Variants in SNX15 observed in about 807,000 individuals in gnomAD.
SNX15 encodes sorting nexin 15, also known as sorting nexin-15.
A neutral mutation model predicts 35.2 loss-of-function variants in SNX15; 29 were observed. That is an observed-to-expected ratio of 0.82 (90% CI 0.61 to 1.12). The LOEUF (loss-of-function observed/expected upper bound fraction) is 1.12, where lower values mean the gene tolerates loss of function less well. Ranked by LOEUF, SNX15 falls within the 50% of genes most tolerant of loss-of-function variation. The pLI, the probability that SNX15 is intolerant of heterozygous loss-of-function variation, is 0.00. For missense variants in SNX15, 400 were observed against 451.5 expected (o/e 0.89, Z 1.03); for synonymous variants, 189 against 188.2 (o/e 1.00, Z -0.03).
intron 1 of SNX15, among the ~76,000 whole-genome samples, chr11:65,030,091 G>A (rs112978052): frequency 2.0e-5 from 3 of 151,938 alleles, no homozygotes; most frequent in Admixed American, 1.3e-4. Flanking sequence ...GCGTGGTGGC[G>A]CACGCCTGTA....
In SNX15 at chr11:65,038,705, T is replaced by G. The variant is rs1405397324; in HGVS notation, c.798T>G (p.Pro266=). The stretch of plus-strand genomic sequence containing the variant: ...AGGATGGGGAAGGAGGGCCCACCCC[T>G]GCCTACCTAAGCCAGGCCACAGAGC... The part of the protein sequence containing the change: ...EEEDGEGGPT[P]AYLSQATELI... Residue 266 remains proline (P), a synonymous_variant, in exon 7 of 8, where the codon CCT becomes CCG. Coordinates refer to ENST00000377244, the MANE Select transcript of SNX15 (RefSeq NM_013306.5). The G allele has an allele frequency of 1.9e-6, 3 of 1,607,898 alleles. No individual in the cohort carries two copies.
Position 65,034,821 on chromosome 11 carries a change from CCT to C in SNX15, c.257-25_257-24del, listed in dbSNP as rs754889115. ...CCCCTGTGGGTCACCGCCACTCTCC[CCT>C]GTTCCTTGTCCTGGGGGCCGTAGGC... is the stretch of plus-strand genomic sequence containing the variant. On this transcript the variant is annotated intron_variant, in intron 3 of 7. Coordinates refer to ENST00000377244, the MANE Select transcript of SNX15 (RefSeq NM_013306.5). 27 of 1,591,790 alleles carry C rather than the reference CCT, an allele frequency of 1.7e-5. No homozygotes were observed. The South Asian group carries it at 2.9e-4, about 17-fold the overall frequency.
At chr11:65,028,654 G>C (rs1039622949) in intron 1 of SNX15, among the ~76,000 whole-genome samples, 11 of 128,562 alleles carry the variant, frequency 8.6e-5, no homozygotes, top group Non-Finnish European at 1.6e-4. Flanking sequence ...TGAGACCCCG[G>C]ATCAATATTA....
intron 1 of SNX15, among the ~76,000 whole-genome samples, 194 bp from the exon 2 acceptor site, chr11:65,031,974 A>G (rs915870585): frequency 1.3e-5 from 2 of 152,168 alleles, no homozygotes; most frequent in Non-Finnish European, 2.9e-5. Context: ...AGATGGAGAA[A>G]CTGAGGTACA....
Position 65,038,673 on chromosome 11 carries a change from G to C in SNX15, c.766G>C (p.Glu256Gln). The C allele has an allele frequency of 6.2e-7, 1 of 1,612,536 alleles. No individual in the cohort carries two copies. The change falls in exon 7 of 8, where the codon GAG becomes CAG. Residue 256 changes from glutamate (E) to glutamine (Q), a missense_variant. Coordinates refer to ENST00000377244, the MANE Select transcript of SNX15 (RefSeq NM_013306.5). ...ACCCTGGGAGCCAGGAGGGCAGGAG[G>C]AGGAAGAGGATGGGGAAGGAGGGCC... ...QEPWEPGGQE[E>Q]EEDGEGGPTP...
At position 65,035,712 on chromosome 11, in the gene SNX15, G is replaced by A. The variant is rs772792392; in HGVS notation, c.664+49G>A. On this transcript the variant is annotated intron_variant, in intron 6 of 7. Coordinates refer to ENST00000377244, the MANE Select transcript of SNX15 (RefSeq NM_013306.5). ...AGGAGCCAGGGCAGGACGTCCTTGGGACAGGGAGGAGGGCAGAGCCCCACT... is the reference window on the plus strand; with the variant it reads ...AGGAGCCAGGGCAGGACGTCCTTGGAACAGGGAGGAGGGCAGAGCCCCACT... The A allele has an allele frequency of 4.5e-6, 7 of 1,555,736 alleles. No homozygotes were observed. The Admixed American group carries it at 9.7e-5, about 21-fold the overall frequency.
At chr11:65,036,399 T>G (rs1946501828) in intron 6 of SNX15, 1 of 152,318 alleles carries the variant, frequency 6.6e-6, no homozygotes, top group African/African-American at 2.4e-5. Flanking sequence ...CTTTTTCTTT[T>G]TTTGAGACAG....
rs1946452453 is a variant in SNX15 at position 65,032,531 on chromosome 11, T to TC, written c.241dup (p.Arg81ProfsTer9). On this transcript the variant is annotated frameshift_variant, in exon 3 of 8. Transcript: ENST00000377244. LOFTEE classifies it high-confidence loss of function. ...CGCCGCCTCGAGGAGTTCCCTGCTT[T>TC]CCCCCGGGCCCAGGTGTTTGGTGAG... The TC allele has an allele frequency of 1.9e-6, 3 of 1,613,966 alleles. 1 individual carries two copies. Among genetic ancestry groups the TC allele is most frequent in the South Asian group, 2.2e-5 (2 of 91,066 alleles).
At position 65,032,424 on chromosome 11, in the gene SNX15, C is replaced by T. The variant is rs748023241; in HGVS notation, c.136-7C>T. The T allele has an allele frequency of 1.9e-6, 3 of 1,614,016 alleles. No individual in the cohort carries two copies. The highest frequency in any genetic ancestry group is 2.2e-5 in the East Asian group (1 of 44,904). On this transcript the variant is annotated splice_region_variant and splice_polypyrimidine_tract_variant and intron_variant, in intron 2 of 7. Transcript: ENST00000377244. Reference sequence around the variant, plus strand: ...CTGGTTCTGGGCAAGTCTCATGTACCTCATAGGTGGTGGTCTGGAAGCGGT... The same window carrying T: ...CTGGTTCTGGGCAAGTCTCATGTACTTCATAGGTGGTGGTCTGGAAGCGGT...
chr11:65,038,514 C>T, intron 6 of SNX15, 58 bp from the exon 7 acceptor site: 3 of 1,497,756 alleles, frequency 2.0e-6, no homozygotes, highest in Non-Finnish European at 2.7e-6. Flanking sequence ...TGGGGTTGGG[C>T]AGAGGGCCTG....
At chr11:65,032,402 G>A (rs201946581) in intron 2 of SNX15, 29 bp from the exon 3 acceptor site, 27 of 1,613,926 alleles carry the variant, frequency 1.7e-5, no homozygotes, top group Non-Finnish European at 2.3e-5. Context: ...ACCATTGCTG[G>A]TTCTGGGCAA....
intron 3 of SNX15, among the ~76,000 whole-genome samples, chr11:65,034,045 G>A (rs1946471793): frequency 6.6e-6 from 1 of 152,150 alleles, no homozygotes; most frequent in Non-Finnish European, 1.5e-5. Flanking sequence ...GATTGCTGCT[G>A]TCAGGTTATG....
At chr11:65,028,715 A>C (rs1946403432) in intron 1 of SNX15, among the ~76,000 whole-genome samples, 1 of 151,532 alleles carries the variant, frequency 6.6e-6, no homozygotes, top group Non-Finnish European at 1.5e-5. Flanking sequence ...AAAGCAAATA[A>C]ATAGATTGTC....
rs7933704 is a variant in SNX15 at position 65,032,340 on chromosome 11, C to G, written c.136-91C>G. On this transcript the variant is annotated intron_variant, in intron 2 of 7. Coordinates refer to ENST00000377244, the MANE Select transcript of SNX15 (RefSeq NM_013306.5). ...GGCGAGGGGCTGCTGCAGCTGCTTC[C>G]TGATCCTCACGCCCCCTGGGGGCAG... The G allele has an allele frequency of 3.3e-3, 5,264 of 1,603,542 alleles. 159 individuals carry two copies. In the African/African-American group the frequency reaches 0.06, roughly 18 times the overall value.
At chr11:65,027,883 C>T (rs958125771) in intron 1 of SNX15, among the ~76,000 whole-genome samples, 1 of 152,172 alleles carries the variant, frequency 6.6e-6, no homozygotes, top group African/African-American at 2.4e-5. Context: ...CGTGTATGCC[C>T]ACGCCCGGAG....
intron 1 of SNX15, among the ~76,000 whole-genome samples, chr11:65,027,907 C>T (rs1254422283): frequency 6.6e-6 from 1 of 152,200 alleles, no homozygotes; most frequent in Non-Finnish European, 1.5e-5. Flanking sequence ...AGTGTCTGGG[C>T]ATCAGGCTGT....
intron 1 of SNX15, among the ~76,000 whole-genome samples, chr11:65,029,394 G>A (rs1180978978): frequency 6.6e-6 from 1 of 151,618 alleles, no homozygotes; most frequent in East Asian, 1.9e-4. Context: ...TTGACCTCAT[G>A]ATCCACCCGC....
intron 3 of SNX15, 21 bp downstream of exon 3, chr11:65,032,572 C>T (rs1422386114): frequency 6.2e-7 from 1 of 1,613,788 alleles, no homozygotes; most frequent in Non-Finnish European, 8.5e-7. Flanking sequence ...GATTGGGGCA[C>T]TCGGGCCAAA....
chr11:65,038,049 G>C (rs114623113), intron 6 of SNX15: 1,973 of 154,578 alleles, frequency 0.013, 43 homozygotes, highest in African/African-American at 0.045. Context: ...CAGTCCAGGG[G>C]GATATAATGA....
Sources: gnomAD v4.1 joint callset for allele counts (sites outside exome capture counted in the v4.1 genomes callset) on GRCh38, gnomAD v4.1.1 for gene constraint, MANE v1.5 for transcripts, NCBI Gene and HGNC (gene_info 2026-07-23, HGNC 2026-07-21) for gene names.